ASH1L: variants seen among roughly 807,000 people sequenced by gnomAD.
ASH1L encodes the protein ASH1 like histone lysine methyltransferase.
A neutral mutation model predicts 269.0 loss-of-function variants in ASH1L; 23 were observed. That is an observed-to-expected ratio of 0.09 (90% CI 0.06 to 0.12). The LOEUF (loss-of-function observed/expected upper bound fraction) is 0.12. ASH1L is among the 10% of genes least tolerant of loss of function. The pLI is 1.00. For missense variants in ASH1L, 2,912 were observed against 3,567.8 expected (o/e 0.82, Z 4.68); for synonymous variants, 1,187 against 1,253.5 (o/e 0.95, Z 1.12).
intron 6 of ASH1L, among the ~76,000 whole-genome samples, chr1:155,414,307 A>T (rs1015988971): frequency 1.3e-5 from 2 of 151,796 alleles, no homozygotes; most frequent in African/African-American, 4.9e-5. Flanking sequence ...AAATAGCATT[A>T]AAAAAATTTC....
At chr1:155,340,953 C>T (rs1652739327) in intron 25 of ASH1L, among the ~76,000 whole-genome samples, 1 of 151,782 alleles carries the variant, frequency 6.6e-6, no homozygotes, top group Non-Finnish European at 1.5e-5. Flanking sequence ...ACACCACCAC[C>T]ACAAATTTTG....
At chr1:155,410,020 C>A (rs1007201469) in intron 6 of ASH1L, among the ~76,000 whole-genome samples, 1 of 151,804 alleles carries the variant, frequency 6.6e-6, no homozygotes, top group Non-Finnish European at 1.5e-5. Flanking sequence ...CAAAAATTAG[C>A]CAGGCGTGGT....
chr1:155,449,572 T>C (rs879407810), intron 4 of ASH1L, among the ~76,000 whole-genome samples: 2 of 151,576 alleles, frequency 1.3e-5, no homozygotes, highest in African/African-American at 2.4e-5. Context: ...CAGGCTGCAG[T>C]GCAGTGGCAC....
At chr1:155,360,180 G>T in intron 13 of ASH1L, 121 bp downstream of exon 13, 1 of 675,124 alleles carries the variant, frequency 1.5e-6, no homozygotes, top group Non-Finnish European at 2.6e-6. Context: ...GTGAACCACT[G>T]TGTCCAGCCT....
intron 12 of ASH1L, among the ~76,000 whole-genome samples, chr1:155,366,815 G>A (rs1321098902): frequency 4.6e-5 from 7 of 151,736 alleles, no homozygotes; most frequent in Non-Finnish European, 8.8e-5. Flanking sequence ...GGGACTATAG[G>A]CGTGTGCCAC....
chr1:155,479,354 C>A lies in ASH1L; in HGVS notation c.3516G>T (p.Ser1172=), dbSNP rs142400578. 6.8e-5 allele frequency: 110 copies of A among 1,613,894 alleles called. No homozygotes were observed. Among genetic ancestry groups the A allele is most frequent in the Non-Finnish European group, 8.6e-5 (102 of 1,180,012 alleles). ...TTAGAGATGTGAGTTCACTCAAGTG[C>A]GAAGGAGAATTTGGCAACAAAGTAG... ...SPPTLLPNSP[S]HLSELTSLKE... is the part of the protein sequence containing the mutation. Residue 1172 remains serine (S), a synonymous_variant, in exon 3 of 28, where the codon TCG becomes TCT. Coordinates refer to ENST00000392403, the MANE Select transcript of ASH1L (RefSeq NM_018489.3).
At chr1:155,352,393 C>T (rs1167055261) in intron 17 of ASH1L, among the ~76,000 whole-genome samples, 1 of 148,334 alleles carries the variant, frequency 6.7e-6, no homozygotes, top group East Asian at 2.0e-4. Context: ...CAAAACTTTA[C>T]ATCTTACATC....
intron 12 of ASH1L, 97 bp from the exon 13 acceptor site, chr1:155,360,506 C>T (rs979577201): frequency 2.5e-5 from 17 of 693,858 alleles, no homozygotes; most frequent in South Asian, 3.4e-5. Context: ...TGCAGTGGTG[C>T]GATCTTGGCT....
At chr1:155,423,011 G>A (rs1035152463) in intron 5 of ASH1L, among the ~76,000 whole-genome samples, 3 of 149,454 alleles carry the variant, frequency 2.0e-5, no homozygotes, top group African/African-American at 4.9e-5. Context: ...GCAGTGGTGC[G>A]ATCTCGGCTC....
intron 3 of ASH1L, among the ~76,000 whole-genome samples, chr1:155,476,545 TTTTTTTG>T (rs770419912): frequency 1.3e-5 from 2 of 151,804 alleles, no homozygotes; most frequent in African/African-American, 2.4e-5. Context: ...TACACAAGTC[TTTTTTTG>T]TTTTTTGTTT....
intron 2 of ASH1L, among the ~76,000 whole-genome samples, chr1:155,499,384 T>C (rs1395580085): frequency 6.6e-6 from 1 of 152,190 alleles, no homozygotes; most frequent in East Asian, 1.9e-4. Flanking sequence ...ACTTCATCTA[T>C]AGTCTTTCTC....
chr1:155,477,581 C>T (rs1189356872), intron 3 of ASH1L, among the ~76,000 whole-genome samples: 1 of 152,016 alleles, frequency 6.6e-6, no homozygotes, highest in Non-Finnish European at 1.5e-5. Context: ...AGCCATTTGT[C>T]TTTATAAAAA....
chr1:155,426,056 TTTTATTTA>T (rs552891071), intron 5 of ASH1L, among the ~76,000 whole-genome samples: 4 of 151,522 alleles, frequency 2.6e-5, no homozygotes, highest in Admixed American at 2.0e-4. Context: ...GCCCGGCTAA[TTTTATTTA>T]TTTATTTATT....
intron 6 of ASH1L, among the ~76,000 whole-genome samples, chr1:155,414,651 T>C (rs1207200166): frequency 3.3e-5 from 5 of 152,142 alleles, no homozygotes; most frequent in Non-Finnish European, 7.4e-5. Flanking sequence ...TCAAAGTCCA[T>C]GGTTATATGT....
chr1:155,359,176 G>A (rs1654711534), intron 13 of ASH1L, among the ~76,000 whole-genome samples: 1 of 152,154 alleles, frequency 6.6e-6, no homozygotes, highest in South Asian at 2.1e-4. Flanking sequence ...GGCCCAGGTT[G>A]GCCTTGAACT....
At chr1:155,455,721 A>G (rs1571258846) in intron 4 of ASH1L, among the ~76,000 whole-genome samples, 2 of 152,236 alleles carry the variant, frequency 1.3e-5, no homozygotes, top group Admixed American at 1.3e-4. Flanking sequence ...AATTCTCTAG[A>G]GTATTTGCAT....
rs577637973 is a variant in ASH1L at position 155,562,246 on chromosome 1, C to A, written c.-193G>T. The stretch of plus-strand genomic sequence containing the variant: ...GCCAGGCTCCTCCGCTTCCCTGGGT[C>A]CACGGCGGATCCCTCCCGCTTGTCA... On this transcript the variant is annotated 5_prime_UTR_variant, in exon 1 of 28. Coordinates refer to ENST00000392403, the MANE Select transcript of ASH1L (RefSeq NM_018489.3). 1 of 1,610,330 alleles carries A rather than the reference C, an allele frequency of 6.2e-7. No homozygotes were observed. Among genetic ancestry groups the A allele is most frequent in the Admixed American group, 1.7e-5 (1 of 59,954 alleles).
chr1:155,541,319 A>AT (rs1317170988), intron 1 of ASH1L, among the ~76,000 whole-genome samples: 14 of 152,018 alleles, frequency 9.2e-5, no homozygotes, highest in Non-Finnish European at 8.8e-5. Flanking sequence ...TTAAAAATTG[A>AT]TATTTTTCTT....
intron 4 of ASH1L, among the ~76,000 whole-genome samples, chr1:155,451,025 C>G (rs768087753): frequency 2.6e-5 from 4 of 151,242 alleles, no homozygotes; most frequent in African/African-American, 4.9e-5. Flanking sequence ...TGAAGAAACC[C>G]TATCTCTACT....
Sources: gnomAD v4.1 joint callset for allele counts (sites outside exome capture counted in the v4.1 genomes callset) on GRCh38, gnomAD v4.1.1 for gene constraint, MANE v1.5 for transcripts, NCBI Gene and HGNC (gene_info 2026-07-23, HGNC 2026-07-21) for gene names.